Variants in USP43 observed in about 807,000 individuals in gnomAD.
USP43 encodes the protein ubiquitin carboxyl-terminal hydrolase 43.
A neutral mutation model predicts 90.7 loss-of-function variants in USP43; 33 were observed. The ratio of observed to expected loss-of-function variants is 0.36; its 90% confidence interval spans 0.28 to 0.49. The LOEUF is 0.49. Ranked by LOEUF, USP43 falls within the 20% of genes least tolerant of loss-of-function variation. The probability of loss-of-function intolerance (pLI) is 0.98; values close to 1 mark genes in which losing one functional copy is unlikely to be tolerated. For missense variants in USP43, 1,274 were observed against 1,476.4 expected (o/e 0.86, Z 2.25); for synonymous variants, 598 against 615.8 (o/e 0.97, Z 0.43).
rs966524649 is a variant in USP43, at chr17:9,648,133, C to G, written c.504+1997C>G. Reference sequence around the variant, plus strand: ...GTCAAATCCCCAGGGCCTGGGAGCTCCCAGTAAGCCTCAGGGAATTGAAGG... The same window carrying G: ...GTCAAATCCCCAGGGCCTGGGAGCTGCCAGTAAGCCTCAGGGAATTGAAGG... On this transcript the variant is annotated intron_variant, in intron 1 of 14. Coordinates refer to ENST00000285199, the MANE Select transcript of USP43 (RefSeq NM_153210.5). Among the ~76,000 whole-genome samples, 5 of 152,228 alleles carry G rather than the reference C, an allele frequency of 3.3e-5. No homozygotes were observed. The South Asian group carries it at 1.0e-3, about 32-fold the overall frequency.
At chr17:9,676,136 T>C (rs1913759460) in intron 4 of USP43, among the ~76,000 whole-genome samples, 1 of 152,236 alleles carries the variant, frequency 6.6e-6, no homozygotes, top group Admixed American at 6.5e-5. Context: ...TTGACTGCTT[T>C]AATTTTCAAA....
intron 4 of USP43, among the ~76,000 whole-genome samples, 183 bp from the exon 5 acceptor site, chr17:9,676,563 G>T (rs564235218): frequency 1.3e-5 from 2 of 152,076 alleles, no homozygotes; most frequent in African/African-American, 4.8e-5. Context: ...GTAGAGATGG[G>T]GTTTCACCAT....
intron 8 of USP43, among the ~76,000 whole-genome samples, chr17:9,692,889 G>T (rs555609880): frequency 4.6e-5 from 7 of 152,134 alleles, no homozygotes; most frequent in Admixed American, 3.3e-4. Flanking sequence ...GTTCATTTTT[G>T]GGGGGAAGAT....
At position 9,702,232 on chromosome 17, in the gene USP43, T is replaced by G. The variant is rs371784551; in HGVS notation, c.2011+532T>G. On this transcript the variant is annotated intron_variant, in intron 12 of 14. Transcript: ENST00000285199. ...TGAAAAAAAAAAATGAGCTAGGCAT[T>G]GTGGCTTACACTTGTAGTCCTAGTT... Among the ~76,000 whole-genome samples, 452 of 152,028 alleles carry G rather than the reference T, an allele frequency of 3.0e-3. 5 individuals carry two copies. Among genetic ancestry groups the G allele is most frequent in the African/African-American group, 0.01 (433 of 41,452 alleles).
chr17:9,647,611 A>G (rs1172244325), intron 1 of USP43: 2 of 152,166 alleles, frequency 1.3e-5, no homozygotes, highest in Non-Finnish European at 2.9e-5. Flanking sequence ...GCAGAAACCT[A>G]GAGCAGGGAG....
In USP43 at chr17:9,723,709, G is replaced by A. The variant is rs561745817; in HGVS notation, c.2336-4245G>A. On this transcript the variant is annotated intron_variant, in intron 14 of 14. Coordinates refer to ENST00000285199, the MANE Select transcript of USP43 (RefSeq NM_153210.5). ...AGTGATTTTCCTGCCTCAGCCTCAC[G>A]AACAGCTGGGATTACAGGTGCGCAC... Among the ~76,000 whole-genome samples the A allele has an allele frequency of 4.4e-4, 66 of 150,686 alleles. 2 individuals are homozygous for A. The South Asian group carries it at 0.013, about 31-fold the overall frequency.
At chr17:9,679,276 G>A (rs8067240) in intron 5 of USP43, among the ~76,000 whole-genome samples, 7,349 of 150,786 alleles carry the variant, frequency 0.049, 506 homozygotes, top group African/African-American at 0.16. Flanking sequence ...ATCATAGCTT[G>A]CTGCAGCCTT....
At chr17:9,722,353 A>G (rs1917005740) in intron 14 of USP43, among the ~76,000 whole-genome samples, 1 of 152,140 alleles carries the variant, frequency 6.6e-6, no homozygotes, top group Non-Finnish European at 1.5e-5. Context: ...GGTTTCTGGT[A>G]AACAGCCTGG....
chr17:9,660,441 G>C (rs534170895), intron 2 of USP43, among the ~76,000 whole-genome samples: 1 of 152,078 alleles, frequency 6.6e-6, no homozygotes, highest in Non-Finnish European at 1.5e-5. Flanking sequence ...GAGCCACCAC[G>C]CCCGACCAAT....
chr17:9,729,057 A>C lies in USP43; in HGVS notation c.*67A>C. The C allele has an allele frequency of 2.9e-6, 4 of 1,396,592 alleles. No homozygotes were observed. The highest frequency in any genetic ancestry group is 3.8e-6 in the Non-Finnish European group (4 of 1,063,668). 86.5% of individuals were successfully genotyped at this position (1,396,592 alleles called of 1,614,324 possible). A position where few individuals can be genotyped will look rare whatever the true frequency, so the allele number is the denominator to read the frequency against. On this transcript the variant is annotated 3_prime_UTR_variant, in exon 15 of 15. Coordinates refer to ENST00000285199, the MANE Select transcript of USP43 (RefSeq NM_153210.5). ...TTTGCCAAGCAACTGTAGGCAGCTC[A>C]TGTTGAGAATGGGTTTCCAGGAAAC...
In USP43 at chr17:9,686,769, G is replaced by A; in HGVS notation, c.1242-29G>A. The stretch of plus-strand genomic sequence containing the variant: ...GGATGTTGCTGGTTTTTCCTTTGCT[G>A]GGATAACCCGATTTCCTTGGATTTT... On this transcript the variant is annotated intron_variant, in intron 7 of 14. Transcript: ENST00000285199. The surrounding 1 kb of genome is among the most constrained non-coding windows in gnomAD (Gnocchi z 5.5). The A allele has an allele frequency of 6.2e-7, 1 of 1,606,222 alleles. No homozygotes were observed. Among genetic ancestry groups the A allele is most frequent in the South Asian group, 1.1e-5 (1 of 90,390 alleles).
chr17:9,672,823 C>T (rs1379991107), intron 3 of USP43, among the ~76,000 whole-genome samples: 1 of 152,142 alleles, frequency 6.6e-6, no homozygotes, highest in Admixed American at 6.6e-5. Context: ...TAAGTTGTAT[C>T]CAAGATAACT....
At chr17:9,714,281 A>G (rs936528395) in intron 14 of USP43, among the ~76,000 whole-genome samples, 42 of 152,286 alleles carry the variant, frequency 2.8e-4, no homozygotes, top group African/African-American at 9.9e-4. Flanking sequence ...CCCTGCTAAG[A>G]CATCACATCA....
chr17:9,663,331 T>C (rs1415500027), intron 2 of USP43, among the ~76,000 whole-genome samples: 1 of 151,230 alleles, frequency 6.6e-6, no homozygotes, highest in African/African-American at 2.4e-5. Flanking sequence ...AAAGTCTTGC[T>C]CTGTCACCCA....
chr17:9,720,995 A>C (rs1424354699), intron 14 of USP43, among the ~76,000 whole-genome samples: 3 of 152,346 alleles, frequency 2.0e-5, no homozygotes, highest in African/African-American at 7.2e-5. Flanking sequence ...TGATCATCAT[A>C]ATAATGAAGG....
In USP43 at chr17:9,728,686, T is replaced by C. The variant is rs1917413352; in HGVS notation, c.3068T>C (p.Val1023Ala). 1.9e-6 allele frequency: 3 copies of C among 1,612,304 alleles called. No homozygotes were observed. The highest frequency in any genetic ancestry group is 2.5e-6 in the Non-Finnish European group (3 of 1,179,336). Reference sequence around the variant, plus strand: ...GAGGTCTCTCCACAGGTGCCCCCCGTCTCCCTGGTGAGTGGCGGGCTGAGC... The same window carrying C: ...GAGGTCTCTCCACAGGTGCCCCCCGCCTCCCTGGTGAGTGGCGGGCTGAGC... The part of the protein sequence containing the change: ...RAEVSPQVPP[V>A]SLVSGGLSPA... Residue 1023 changes from valine to alanine, a missense_variant, in exon 15 of 15, where the codon GTC (valine) becomes GCC (alanine). By Grantham distance (64) the Val-to-Ala change is moderately conservative (BLOSUM62 0). Around this residue, in one of 6 missense-constraint regions of USP43, gnomAD observed 353 missense variants for 329.7 expected, o/e 1.07. Transcript: ENST00000285199. The surrounding 1 kb of genome is among the most constrained non-coding windows in gnomAD (Gnocchi z 6.2).
intron 1 of USP43, among the ~76,000 whole-genome samples, chr17:9,651,316 C>T (rs538939253): frequency 2.2e-4 from 34 of 152,056 alleles, no homozygotes; most frequent in Non-Finnish European, 3.8e-4. Context: ...CTCAGCCTTC[C>T]GAGTAGCTGG....
intron 1 of USP43, among the ~76,000 whole-genome samples, chr17:9,651,445 C>T (rs951324403): frequency 2.0e-5 from 3 of 152,148 alleles, no homozygotes; most frequent in African/African-American, 7.2e-5. Flanking sequence ...TTACCCAGCC[C>T]ATCTGCTCAA....
intron 14 of USP43, among the ~76,000 whole-genome samples, chr17:9,716,951 C>A (rs539379311): frequency 2.0e-5 from 3 of 152,086 alleles, no homozygotes; most frequent in Admixed American, 6.6e-5. Context: ...GCCTGACCAA[C>A]ATGGTGAAAC....
Sources: gnomAD v4.1 joint callset for allele counts (sites outside exome capture counted in the v4.1 genomes callset) on GRCh38, gnomAD v4.1.1 for gene constraint, gnomAD v4.1.1 regional missense constraint, Gnocchi (gnomAD v3.1) non-coding constraint, MANE v1.5 for transcripts, NCBI Gene and HGNC (gene_info 2026-07-23, HGNC 2026-07-21) for gene names.